Variants in RELN observed in about 807,000 individuals in gnomAD.
RELN encodes reelin.
Under a neutral mutation model 427.6 loss-of-function variants are expected in RELN, and 108 were observed. The observed-to-expected ratio is 0.25, with a 90% CI of 0.22 to 0.30. The LOEUF (loss-of-function observed/expected upper bound fraction) is 0.30, where lower values mean the gene tolerates loss of function less well. Among genes scored for constraint, RELN ranks in the 10% least tolerant of loss-of-function variants. RELN has a pLI of 1.00. For missense variants in RELN, 3,715 were observed against 4,302.8 expected, an observed-to-expected ratio of 0.86 and a Z score of 3.82; for synonymous variants, 1,524 against 1,513.4, an observed-to-expected ratio of 1.01 and a Z score of -0.16.
chr7:103,692,808 C>T (rs531002830), intron 10 of RELN, among the ~76,000 whole-genome samples: 176 of 151,956 alleles, frequency 1.2e-3, no homozygotes, highest in Non-Finnish European at 2.1e-3. Flanking sequence ...GTCCCCACCC[C>T]GACAAGTCCT....
intron 1 of RELN, among the ~76,000 whole-genome samples, chr7:103,987,114 T>C (rs1462878861): frequency 4.0e-5 from 6 of 150,126 alleles, no homozygotes; most frequent in African/African-American, 9.8e-5. Flanking sequence ...GGCCTATAGC[T>C]ACAGCTAGTT....
In RELN at chr7:103,579,739, TC is replaced by T. The variant is rs765994959; in HGVS notation, c.4146-4035del. On this transcript the variant is annotated intron_variant, in intron 28 of 64. Transcript: ENST00000428762. ...TTCCCTTTGTTTCCTTTCCCAATTT[TC>T]ATTTTTGTCTGGGGGATGCCTAAGT... is the stretch of plus-strand genomic sequence containing the variant. Among the ~76,000 whole-genome samples, 79 of 152,304 alleles carry T rather than the reference TC, an allele frequency of 5.2e-4. 2 individuals carry two copies. The highest frequency in any genetic ancestry group is 8.5e-4 in the Admixed American group (13 of 15,292).
At chr7:103,799,042 C>T (rs920192332) in intron 3 of RELN, among the ~76,000 whole-genome samples, 3 of 152,124 alleles carry the variant, frequency 2.0e-5, no homozygotes, top group Non-Finnish European at 4.4e-5. Flanking sequence ...TTTCTTTTTG[C>T]TTCTCACATG....
intron 45 of RELN, among the ~76,000 whole-genome samples, chr7:103,536,349 G>GCCTACGTC (rs1208202241): frequency 2.0e-5 from 3 of 152,040 alleles, no homozygotes; most frequent in Admixed American, 2.0e-4. Flanking sequence ...TTTATAAGCT[G>GCCTACGTC]CCTACGTCCC....
intron 2 of RELN, among the ~76,000 whole-genome samples, chr7:103,914,747 A>C (rs898613249): frequency 6.6e-6 from 1 of 152,260 alleles, no homozygotes; most frequent in Admixed American, 6.5e-5. Context: ...ATCTACAAGC[A>C]GGTCAATGTG....
At chr7:103,576,439 T>C (rs149881610) in intron 28 of RELN, among the ~76,000 whole-genome samples, 13 of 152,284 alleles carry the variant, frequency 8.5e-5, no homozygotes, top group African/African-American at 2.9e-4. Context: ...CATGCGCAGA[T>C]TGATTTCTTT....
chr7:103,510,782 TTTCTC>T (rs1325218336), intron 51 of RELN, 64 bp downstream of exon 51: 2 of 1,277,462 alleles, frequency 1.6e-6, no homozygotes, highest in African/African-American at 1.5e-5. Flanking sequence ...TAGATCATCT[TTTCTC>T]TGATATTTTT....
chr7:103,575,447 AT>A, intron 29 of RELN, 100 bp downstream of exon 29: 1 of 1,315,500 alleles, frequency 7.6e-7, no homozygotes, highest in Non-Finnish European at 1.1e-6. Context: ...TTAAAGAGGA[AT>A]AAATTCAGAA....
chr7:103,611,715 T>A lies in RELN; in HGVS notation c.2791A>T (p.Ser931Cys). ...TTCTGGCCACATCCCATCACCAAAC[T>A]GAACTGAATCATATAGGATGCTCCT... ...QIGASYMIQF[S>C]LVMGCGQKYT... The change falls in exon 21 of 65, where the codon AGT becomes TGT. Residue 931 changes from serine to cysteine, a missense_variant. Physicochemically the swap from Ser to Cys is moderately radical, Grantham distance 112 (BLOSUM62 -1). Transcript: ENST00000428762. The A allele has an allele frequency of 6.2e-7, 1 of 1,613,928 alleles. No homozygotes were observed. Among genetic ancestry groups the A allele is most frequent in the Non-Finnish European group, 8.5e-7 (1 of 1,179,924 alleles).
At chr7:103,978,160 T>G (rs768642732) in intron 1 of RELN, among the ~76,000 whole-genome samples, 1 of 152,204 alleles carries the variant, frequency 6.6e-6, no homozygotes, top group Non-Finnish European at 1.5e-5. Flanking sequence ...TGTTGTACAA[T>G]AGATCTCTTG....
chr7:103,519,522 A>G lies in RELN; in HGVS notation c.7669-6T>C. The G allele has an allele frequency of 4.4e-6, 7 of 1,590,916 alleles. No homozygotes were observed. Among genetic ancestry groups the G allele is most frequent in the Non-Finnish European group, 6.0e-6 (7 of 1,159,028 alleles). On this transcript the variant is annotated splice_polypyrimidine_tract_variant and splice_region_variant and intron_variant, in intron 48 of 64. Transcript: ENST00000428762. Reference sequence around the variant, plus strand: ...ACTAATAATCGACTACAACCCTAAGAAAAAGAAGTAAAATAAAAAAAAGTG... The same window carrying G: ...ACTAATAATCGACTACAACCCTAAGGAAAAGAAGTAAAATAAAAAAAAGTG...
intron 2 of RELN, among the ~76,000 whole-genome samples, chr7:103,835,184 A>G (rs1282622914): frequency 1.3e-5 from 2 of 152,234 alleles, no homozygotes; most frequent in African/African-American, 4.8e-5. Flanking sequence ...CAAGTGAAAG[A>G]ATCTAATCTG....
At chr7:103,880,761 C>T (rs202084303) in intron 2 of RELN, among the ~76,000 whole-genome samples, 5 of 152,120 alleles carry the variant, frequency 3.3e-5, no homozygotes, top group Non-Finnish European at 5.9e-5. Context: ...GGCACAATCA[C>T]GGCTCACTGC....
intron 2 of RELN, among the ~76,000 whole-genome samples, chr7:103,887,909 G>A (rs1223317990): frequency 6.6e-6 from 1 of 152,102 alleles, no homozygotes; most frequent in African/African-American, 2.4e-5. Context: ...ATTACATACA[G>A]CCATAAAATG....
intron 3 of RELN, 112 bp from the exon 4 acceptor site, chr7:103,776,739 A>G (rs1393174488): frequency 9.5e-7 from 1 of 1,048,212 alleles, no homozygotes; most frequent in East Asian, 2.6e-5. Context: ...TGGATATGAT[A>G]TTTTTAATGA....
In RELN at chr7:103,593,864, C is replaced by T; in HGVS notation, c.3730G>A (p.Ala1244Thr). 4.3e-6 allele frequency: 7 copies of T among 1,613,516 alleles called. No homozygotes were observed. The highest frequency in any genetic ancestry group is 5.9e-6 in the Non-Finnish European group (7 of 1,179,596). ...TLPQNFYEKP[A>T]FDYPMNQMSV... is the part of the protein sequence containing the mutation. ...ATCTGATTCATAGGGTAATCAAAAGCTGGCTTCTCATAAAAGTTCTAATAG... is the reference window on the plus strand; with the variant it reads ...ATCTGATTCATAGGGTAATCAAAAGTTGGCTTCTCATAAAAGTTCTAATAG... The change falls in exon 27 of 65, where the codon GCT becomes ACT. Residue 1244 changes from alanine (A) to threonine (T), a missense_variant. Ala to Thr is a moderately conservative substitution (Grantham distance 58). Coordinates refer to ENST00000428762, the MANE Select transcript of RELN (RefSeq NM_005045.4).
At chr7:103,649,337 T>G (rs1020281774) in intron 16 of RELN, among the ~76,000 whole-genome samples, 1 of 152,004 alleles carries the variant, frequency 6.6e-6, no homozygotes, top group Non-Finnish European at 1.5e-5. Flanking sequence ...ACTTAGAAAG[T>G]TGTAGACCAC....
chr7:103,674,959 C>G (rs1224898847), intron 11 of RELN, among the ~76,000 whole-genome samples: 1 of 152,146 alleles, frequency 6.6e-6, no homozygotes, highest in Admixed American at 6.5e-5. Flanking sequence ...TGGAAGCATT[C>G]CCTTTGAAAA....
intron 24 of RELN, among the ~76,000 whole-genome samples, chr7:103,597,254 T>A (rs552382699): frequency 3.9e-5 from 6 of 152,306 alleles, no homozygotes; most frequent in Non-Finnish European, 8.8e-5. Flanking sequence ...CTGACCCTCC[T>A]GTCCTGTGGG....
Sources: gnomAD v4.1 joint callset for allele counts (sites outside exome capture counted in the v4.1 genomes callset) on GRCh38, gnomAD v4.1.1 for gene constraint, MANE v1.5 for transcripts, NCBI Gene and HGNC (gene_info 2026-07-23, HGNC 2026-07-21) for gene names.